Variants in GSE1 observed in about 807,000 individuals in gnomAD.
The protein encoded by GSE1 is genetic suppressor element 1.
A neutral mutation model predicts 112.6 loss-of-function variants in GSE1; 32 were observed. The ratio of observed to expected loss-of-function variants is 0.28; its 90% confidence interval spans 0.21 to 0.38. The LOEUF (loss-of-function observed/expected upper bound fraction) is 0.38. GSE1 is among the 10% of genes least tolerant of loss of function. The pLI, the probability that GSE1 is intolerant of heterozygous loss-of-function variation, is 1.00. For missense variants in GSE1, 2,348 were observed against 1,699.2 expected, an observed-to-expected ratio of 1.38 and a Z score of -6.71; for synonymous variants, 1,115 against 735.6, an observed-to-expected ratio of 1.52 and a Z score of -8.35.
chr16:85,303,499 A>AGCGCTTGCTGT (rs1381460613), intron 1 of GSE1, among the ~76,000 whole-genome samples: 5 of 152,204 alleles, frequency 3.3e-5, no homozygotes, highest in African/African-American at 9.6e-5. Flanking sequence ...CCGCTTGCTG[A>AGCGCTTGCTGT]GCGCTTGCTG....
At chr16:85,259,633 A>G (rs1907459679) in intron 1 of GSE1, among the ~76,000 whole-genome samples, 1 of 152,218 alleles carries the variant, frequency 6.6e-6, no homozygotes, top group South Asian at 2.1e-4. Flanking sequence ...TGGAAGCATC[A>G]GTGCCAGATG....
chr16:85,433,046 T>TC (rs1329246596), intron 2 of GSE1, among the ~76,000 whole-genome samples: 6 of 150,874 alleles, frequency 4.0e-5, no homozygotes, highest in Admixed American at 2.6e-4. Flanking sequence ...TGATGATAAG[T>TC]CCCCCCCAGA....
In GSE1 at chr16:85,662,989, TACG is replaced by T. The variant is rs1254555018; in HGVS notation, c.2272_2274del (p.Asp758del). On this transcript the variant is annotated inframe_deletion, in exon 10 of 16. Transcript: ENST00000253458. ...AACCATTTCTCCATCAGGGTACTAC[TACG>T]ACCTCGATGACTCTTACGACGAGAG... 2 of 1,606,176 alleles carry T rather than the reference TACG, an allele frequency of 1.2e-6. No individual in the cohort carries two copies. Among genetic ancestry groups the T allele is most frequent in the Non-Finnish European group, 1.7e-6 (2 of 1,173,628 alleles).
At chr16:85,484,905 C>A (rs1423990892) in intron 2 of GSE1, among the ~76,000 whole-genome samples, 1 of 152,222 alleles carries the variant, frequency 6.6e-6, no homozygotes, top group Non-Finnish European at 1.5e-5. Context: ...TGCTGCCTCA[C>A]CCTGTGCCTG....
intron 2 of GSE1, among the ~76,000 whole-genome samples, chr16:85,493,954 T>A (rs7197723): frequency 0.56 from 85,233 of 151,894 alleles, 24,072 homozygotes; most frequent in African/African-American, 0.62. Flanking sequence ...ATGGTAGTGG[T>A]TGCCTGTAGT....
chr16:85,337,279 C>G (rs866583609), intron 1 of GSE1, among the ~76,000 whole-genome samples: 18 of 149,514 alleles, frequency 1.2e-4, no homozygotes, highest in Middle Eastern at 3.4e-3. Flanking sequence ...TGCACTTGGG[C>G]TCAGGACTTT....
intron 2 of GSE1, among the ~76,000 whole-genome samples, chr16:85,390,615 GATTTACTGTGCGGAT>G (rs2047816100): frequency 6.6e-6 from 1 of 152,078 alleles, no homozygotes; most frequent in African/African-American, 2.4e-5. Context: ...ACTCACCTTG[GATTTACTGTGCGGAT>G]ATTTTAAATG....
chr16:85,319,660 C>G (rs935352011), intron 1 of GSE1, among the ~76,000 whole-genome samples: 2 of 152,200 alleles, frequency 1.3e-5, no homozygotes, highest in Non-Finnish European at 2.9e-5. Flanking sequence ...AACACCGCCT[C>G]CAGCATTAGT....
intron 1 of GSE1, among the ~76,000 whole-genome samples, chr16:85,336,809 C>G (rs1366570681): frequency 6.6e-6 from 1 of 152,208 alleles, no homozygotes; most frequent in East Asian, 1.9e-4. Flanking sequence ...TGCTCACACA[C>G]AAGGCACTCA....
At chr16:85,456,796 C>T (rs908961706) in intron 2 of GSE1, among the ~76,000 whole-genome samples, 5 of 151,986 alleles carry the variant, frequency 3.3e-5, no homozygotes, top group African/African-American at 9.7e-5. Context: ...AGGGTCCTGG[C>T]GGGGAGAACC....
At chr16:85,230,005 G>T (rs1050068019) in intron 1 of GSE1, among the ~76,000 whole-genome samples, 1 of 152,222 alleles carries the variant, frequency 6.6e-6, no homozygotes, top group African/African-American at 2.4e-5. Flanking sequence ...AATTGAAAGG[G>T]CTCTGGGAAC....
At chr16:85,382,920 GCA>G (rs972489785) in intron 2 of GSE1, among the ~76,000 whole-genome samples, 5 of 149,528 alleles carry the variant, frequency 3.3e-5, no homozygotes, top group South Asian at 2.1e-4. Flanking sequence ...ACACATACAT[GCA>G]CACACGCGCA....
At chr16:85,640,776 G>A (rs1483791037) in intron 2 of GSE1, among the ~76,000 whole-genome samples, 1 of 152,268 alleles carries the variant, frequency 6.6e-6, no homozygotes, top group African/African-American at 2.4e-5. Context: ...CGCCTGGCAG[G>A]CGCGCCTCGC....
At chr16:85,187,400 G>A (rs1031750928) in intron 1 of GSE1, among the ~76,000 whole-genome samples, 2 of 152,368 alleles carry the variant, frequency 1.3e-5, no homozygotes, top group Non-Finnish European at 2.9e-5. Context: ...CGGGGCCCCC[G>A]CTTCCTGGAC....
upstream of GSE1, among the ~76,000 whole-genome samples, chr16:85,609,693 C>T (rs747850407): frequency 2.0e-5 from 3 of 151,984 alleles, no homozygotes; most frequent in Non-Finnish European, 2.9e-5. Context: ...CTCACTCTGT[C>T]GCCCAGGCTA....
At position 85,218,507 on chromosome 16, in the gene GSE1, G is replaced by A. The variant is rs557410682; in HGVS notation, c.2283+46700G>A. ...GGCTGCACGTGAAACGAGACGTGCCGCTCGTAGTGGTAAAACGCGGCCTTT... is the reference window on the plus strand; with the variant it reads ...GGCTGCACGTGAAACGAGACGTGCCACTCGTAGTGGTAAAACGCGGCCTTT... On this transcript the variant is annotated intron_variant, in intron 1 of 2. Coordinates refer to the GSE1 transcript ENST00000637419. 5.3e-5 allele frequency among the ~76,000 whole-genome samples: 8 copies of A among 152,362 alleles called. No individual in the cohort carries two copies. The South Asian group carries it at 1.0e-3, about 20-fold the overall frequency.
At chr16:85,348,483 C>G (rs2151554566) in intron 1 of GSE1, among the ~76,000 whole-genome samples, 1 of 152,330 alleles carries the variant, frequency 6.6e-6, no homozygotes, top group South Asian at 2.1e-4. Context: ...CAGGTCCCAG[C>G]TCTTTCTTGG....
intron 2 of GSE1, among the ~76,000 whole-genome samples, chr16:85,637,905 C>T (rs2050135574): frequency 6.6e-6 from 1 of 152,184 alleles, no homozygotes; most frequent in Admixed American, 6.5e-5. Context: ...CTGGCGACGG[C>T]ACGTCCTGGG....
intron 2 of GSE1, among the ~76,000 whole-genome samples, chr16:85,501,915 C>T (rs1301813891): frequency 6.6e-6 from 1 of 152,238 alleles, no homozygotes; most frequent in East Asian, 1.9e-4. Flanking sequence ...GAATTTCCCT[C>T]AGGCCCTGGC....
Sources: gnomAD v4.1 joint callset for allele counts (sites outside exome capture counted in the v4.1 genomes callset) on GRCh38, gnomAD v4.1.1 for gene constraint, MANE v1.5 for transcripts, NCBI Gene and HGNC (gene_info 2026-07-23, HGNC 2026-07-21) for gene names.